The following SHMT1 variants were observed in gnomAD, a reference collection of about 807,000 sequenced individuals.
The protein encoded by SHMT1 is serine hydroxymethyltransferase 1.
A neutral mutation model predicts 49.0 loss-of-function variants in SHMT1; 45 were observed. The observed-to-expected ratio is 0.92, with a 90% CI of 0.72 to 1.18. The LOEUF (loss-of-function observed/expected upper bound fraction) is 1.18. Among genes scored for constraint, SHMT1 ranks in the 50% most tolerant of loss-of-function variants. The pLI is 0.00. For missense variants in SHMT1, 541 were observed against 612.4 expected (o/e 0.88, Z 1.23); for synonymous variants, 232 against 246.6 (o/e 0.94, Z 0.55).
chr17:18,348,416 A>T lies in SHMT1; in HGVS notation c.267T>A (p.Ile89=). 6.2e-7 allele frequency: 1 copy of T among 1,613,696 alleles called. No individual in the cohort carries two copies. The highest frequency in any genetic ancestry group is 1.1e-5 in the South Asian group (1 of 91,084). Residue 89 remains isoleucine, a synonymous_variant, in exon 4 of 12, where the codon ATT becomes ATA. Coordinates refer to ENST00000316694, the MANE Select transcript of SHMT1 (RefSeq NM_004169.5). ...GQRYYGGTEF[I]DELETLCQKR... ...TCTGACAGAGGGTCTCCAGTTCATC[A>T]ATAAACTCAGTCCCGCCATAGTATC...
chr17:18,353,061 C>A (rs574771431), intron 3 of SHMT1, among the ~76,000 whole-genome samples: 3 of 152,302 alleles, frequency 2.0e-5, no homozygotes, highest in East Asian at 3.9e-4. Flanking sequence ...ATGGCAATTC[C>A]TTCTCCAAGG....
In SHMT1 at chr17:18,354,365, G is replaced by C. The variant is rs1365590633; in HGVS notation, c.97-548C>G. Among the ~76,000 whole-genome samples the C allele has an allele frequency of 2.6e-5, 4 of 152,190 alleles. No homozygotes were observed. The South Asian group carries it at 6.2e-4, about 24-fold the overall frequency. On this transcript the variant is annotated intron_variant, in intron 2 of 11. Transcript: ENST00000316694. The stretch of plus-strand genomic sequence containing the variant: ...ACCCGGGAGGCGGAGGTTGCAGTGA[G>C]CCGAGATCACGCCATTGCACTCCAG...
intron 3 of SHMT1, among the ~76,000 whole-genome samples, chr17:18,350,279 C>T (rs994607314): frequency 1.3e-4 from 20 of 152,014 alleles, no homozygotes; most frequent in South Asian, 4.2e-4. Flanking sequence ...TGTAGTGAGC[C>T]GAGATCGTGC....
At chr17:18,346,961 G>A (rs1286918648) in intron 5 of SHMT1, among the ~76,000 whole-genome samples, 3 of 152,204 alleles carry the variant, frequency 2.0e-5, no homozygotes, top group South Asian at 2.1e-4. Flanking sequence ...CTGTTCCTCT[G>A]TAGCCACTAT....
At chr17:18,351,067 A>T (rs114750228) in intron 3 of SHMT1, among the ~76,000 whole-genome samples, 1,569 of 152,064 alleles carry the variant, frequency 0.01, 28 homozygotes, top group African/African-American at 0.036. Flanking sequence ...ATTTTAAATA[A>T]TGTTCCAAAG....
chr17:18,343,469 A>C (rs989635965), intron 5 of SHMT1, among the ~76,000 whole-genome samples: 33 of 151,824 alleles, frequency 2.2e-4, no homozygotes, highest in Admixed American at 9.2e-4. Flanking sequence ...TTAGCCAGGC[A>C]TGGTGGTACA....
intron 1 of SHMT1, 101 bp from the exon 2 acceptor site, chr17:18,356,101 A>G (rs12950117): frequency 0.65 from 363,926 of 557,404 alleles, 120,865 homozygotes; most frequent in African/African-American, 0.85. Flanking sequence ...TGCCCAGGCT[A>G]GAGTGCAGTG....
At chr17:18,356,180 C>A (rs138605893) in intron 1 of SHMT1, among the ~76,000 whole-genome samples, 180 bp from the exon 2 acceptor site, 157 of 151,704 alleles carry the variant, frequency 1.0e-3, no homozygotes, top group African/African-American at 3.6e-3. Context: ...AATCTTCTGA[C>A]TACAGGCGCA....
intron 1 of SHMT1, among the ~76,000 whole-genome samples, chr17:18,358,206 T>C (rs1201360175): frequency 2.0e-5 from 3 of 148,666 alleles, no homozygotes; most frequent in Non-Finnish European, 4.5e-5. Flanking sequence ...AAGTGAAATA[T>C]TGTGGCTGGG....
At chr17:18,332,542 TCCG>T (rs1313991219) in intron 9 of SHMT1, 2 of 178,280 alleles carry the variant, frequency 1.1e-5, no homozygotes, top group Non-Finnish European at 2.4e-5. Context: ...TCGCCCTTCC[TCCG>T]GAGGACTGAG....
At chr17:18,352,127 G>A (rs1985773279) in intron 3 of SHMT1, among the ~76,000 whole-genome samples, 1 of 149,216 alleles carries the variant, frequency 6.7e-6, no homozygotes, top group Non-Finnish European at 1.5e-5. Flanking sequence ...TTACAGGGGT[G>A]AGCCACTACA....
intron 7 of SHMT1, among the ~76,000 whole-genome samples, chr17:18,337,518 G>A (rs1983918961): frequency 6.6e-6 from 1 of 151,954 alleles, no homozygotes. Flanking sequence ...CCCTGCCTCG[G>A]GTAAGAGTAA....
At position 18,352,511 on chromosome 17, in the gene SHMT1, A is replaced by G. The variant is rs537950367; in HGVS notation, c.242+1161T>C. 2.6e-5 allele frequency among the ~76,000 whole-genome samples: 4 copies of G among 152,210 alleles called. No individual in the cohort carries two copies. The East Asian group carries it at 7.7e-4, about 29-fold the overall frequency. On this transcript the variant is annotated intron_variant, in intron 3 of 11. Transcript: ENST00000316694. ...TACATTGCTGTGAGAATCGAATGAA[A>G]TATTAGTTTTGAAAACACCTGGTGT... is the stretch of plus-strand genomic sequence containing the variant.
chr17:18,342,873 T>G (rs1598037913), intron 5 of SHMT1, among the ~76,000 whole-genome samples: 1 of 151,222 alleles, frequency 6.6e-6, no homozygotes, highest in African/African-American at 2.4e-5. Context: ...GAGGCGGAGG[T>G]TGCAGTGAGT....
chr17:18,344,547 C>T (rs1480570694), intron 5 of SHMT1, among the ~76,000 whole-genome samples: 1 of 69,118 alleles, frequency 1.4e-5, no homozygotes, highest in African/African-American at 6.1e-5. Flanking sequence ...GGACATAATT[C>T]TAAAATTTTT....
intron 7 of SHMT1, 101 bp downstream of exon 7, chr17:18,339,942 C>A: frequency 1.7e-6 from 2 of 1,152,488 alleles, no homozygotes; most frequent in Non-Finnish European, 2.5e-6. Flanking sequence ...TTCCAAGGAT[C>A]CCAGGTCAGA....
At chr17:18,337,782 C>T (rs1382611725) in intron 7 of SHMT1, among the ~76,000 whole-genome samples, 68 of 152,338 alleles carry the variant, frequency 4.5e-4, no homozygotes, top group Admixed American at 1.5e-3. Flanking sequence ...CTGTGTTGGC[C>T]GGGCTGGTCT....
intron 8 of SHMT1, among the ~76,000 whole-genome samples, chr17:18,334,107 T>G (rs1490484629): frequency 6.6e-6 from 1 of 151,968 alleles, no homozygotes; most frequent in Non-Finnish European, 1.5e-5. Flanking sequence ...TCCAGCTAAT[T>G]TTTGTATTTT....
intron 4 of SHMT1, chr17:18,348,110 G>A: frequency 1.3e-5 from 7 of 552,524 alleles, no homozygotes; most frequent in South Asian, 3.7e-5. Flanking sequence ...AGTGGAGACC[G>A]GGTTTCTCCA....
Sources: allele counts gnomAD v4.1 joint callset (sites outside exome capture counted in the v4.1 genomes callset), GRCh38; gene constraint gnomAD v4.1.1; transcripts MANE v1.5; gene names NCBI Gene and HGNC (gene_info 2026-07-23, HGNC 2026-07-21).